Variants in BARX2 observed in about 807,000 individuals in gnomAD.
BARX2 encodes homeobox protein BarH-like 2.
A neutral mutation model predicts 25.5 loss-of-function variants in BARX2; 11 were observed. The ratio of observed to expected loss-of-function variants is 0.43; its 90% confidence interval spans 0.27 to 0.71. The LOEUF (loss-of-function observed/expected upper bound fraction) is 0.71. Among genes scored for constraint, BARX2 ranks in the 30% least tolerant of loss-of-function variants. The pLI, the probability that BARX2 is intolerant of heterozygous loss-of-function variation, is 0.19. For synonymous variants in BARX2, 137 were observed against 149.5 expected (o/e 0.92, Z 0.61); for missense variants, 360 against 359.9 (o/e 1.00, Z 0.00).
At chr11:129,418,758 C>T (rs749490753) in intron 1 of BARX2, among the ~76,000 whole-genome samples, 1 of 152,146 alleles carries the variant, frequency 6.6e-6, no homozygotes, top group Non-Finnish European at 1.5e-5. Context: ...ATAACGAACG[C>T]CTGGCATAGC....
At chr11:129,385,875 C>T (rs561368911) in intron 1 of BARX2, among the ~76,000 whole-genome samples, 222 of 152,280 alleles carry the variant, frequency 1.5e-3, no homozygotes, top group Non-Finnish European at 1.6e-3. Flanking sequence ...TCTTGTGGAA[C>T]TTTTGATCTT....
At chr11:129,418,151 T>C (rs1861964623) in intron 1 of BARX2, among the ~76,000 whole-genome samples, 1 of 152,204 alleles carries the variant, frequency 6.6e-6, no homozygotes, top group Non-Finnish European at 1.5e-5. Flanking sequence ...GGAAGTAAAT[T>C]GACTAATCAG....
intron 2 of BARX2, among the ~76,000 whole-genome samples, chr11:129,439,953 G>A (rs1862237083): frequency 6.6e-6 from 1 of 151,870 alleles, no homozygotes; most frequent in South Asian, 2.1e-4. Context: ...AAACCTCCTG[G>A]GGCTCCCTGA....
intron 1 of BARX2, among the ~76,000 whole-genome samples, chr11:129,386,783 TC>T (rs1861620285): frequency 6.6e-6 from 1 of 152,244 alleles, no homozygotes; most frequent in Admixed American, 6.5e-5. Context: ...GCTCTATCTT[TC>T]TGTGTCCTTC....
At chr11:129,431,231 A>G (rs769267460) in intron 1 of BARX2, among the ~76,000 whole-genome samples, 4 of 152,272 alleles carry the variant, frequency 2.6e-5, no homozygotes, top group Middle Eastern at 3.4e-3. Flanking sequence ...GATTGTTTCT[A>G]GTTTTTGATA....
At chr11:129,434,642 A>G (rs1229875114) in intron 1 of BARX2, among the ~76,000 whole-genome samples, 1 of 152,192 alleles carries the variant, frequency 6.6e-6, no homozygotes, top group African/African-American at 2.4e-5. Context: ...ATATTAATAT[A>G]TAGGTTATTT....
chr11:129,388,430 C>T (rs1292201179), intron 1 of BARX2, among the ~76,000 whole-genome samples: 1 of 152,130 alleles, frequency 6.6e-6, no homozygotes, highest in African/African-American at 2.4e-5. Context: ...CTCTGGGTCA[C>T]GGTGCTTCCA....
At position 129,376,169 on chromosome 11, in the gene BARX2, A is replaced by G; in HGVS notation, c.134A>G (p.Tyr45Cys). Residue 45 changes from tyrosine to cysteine, a missense_variant, in exon 1 of 4, where the codon TAC (tyrosine) becomes TGC (cysteine). Physicochemically the swap from Tyr to Cys is radical, Grantham distance 194. Transcript: ENST00000281437. The surrounding 1 kb of genome is among the most constrained non-coding windows in gnomAD (Gnocchi z 4.2). ...TCDYFEKLSL[Y>C]SVCPSLVVRP... is the part of the protein sequence containing the mutation. ...GATTACTTTGAGAAACTTTCCCTCT[A>G]CTCCGTGTGCCCGTCGCTGGTCGTG... is the stretch of plus-strand genomic sequence containing the variant. The G allele has an allele frequency of 6.2e-7, 1 of 1,612,974 alleles. No homozygotes were observed.
chr11:129,429,552 G>T (rs891442172), intron 1 of BARX2, among the ~76,000 whole-genome samples: 1 of 152,052 alleles, frequency 6.6e-6, no homozygotes, highest in African/African-American at 2.4e-5. Context: ...AGTTCAACTG[G>T]AAAAATAAAT....
At chr11:129,428,869 G>A (rs181559831) in intron 1 of BARX2, among the ~76,000 whole-genome samples, 408 of 152,246 alleles carry the variant, frequency 2.7e-3, no homozygotes, top group Non-Finnish European at 4.1e-3. Flanking sequence ...CCAACTTCAC[G>A]GGGGCGCTCT....
intron 3 of BARX2, among the ~76,000 whole-genome samples, chr11:129,444,661 G>A (rs1158164885): frequency 2.6e-5 from 4 of 152,150 alleles, no homozygotes; most frequent in Admixed American, 6.6e-5. Context: ...TAAGCCCATC[G>A]GAGTTCAGAA....
In BARX2 at chr11:129,437,028, G is replaced by GAA; in HGVS notation, c.466_467dup (p.Tyr157SerfsTer22). The GAA allele has an allele frequency of 6.3e-7, 1 of 1,587,062 alleles. No individual in the cohort carries two copies. On this transcript the variant is annotated frameshift_variant, in exon 2 of 4. Transcript: ENST00000281437. LOFTEE classifies it high-confidence loss of function. ...GCCTGGAGAAGAAATTCCAGAAGCA[G>GAA]AAGTATTTGTCAACCCCAGACAGGT...
Position 129,451,511 on chromosome 11 carries a change from G to C in BARX2, c.*109G>C. The stretch of plus-strand genomic sequence containing the variant: ...AGCAGCCCAGTAAACTGCGGGCGAA[G>C]AGATCTACCCGTCTCCCTCCCTCCC... On this transcript the variant is annotated 3_prime_UTR_variant, in exon 4 of 4. Transcript: ENST00000281437. 1 of 1,287,926 alleles carries C rather than the reference G, an allele frequency of 7.8e-7. No individual in the cohort carries two copies. Among genetic ancestry groups the C allele is most frequent in the East Asian group, 2.5e-5 (1 of 40,450 alleles). 79.8% of individuals were successfully genotyped at this position (1,287,926 alleles called of 1,614,324 possible). A position where few individuals can be genotyped will look rare whatever the true frequency, so the allele number is the denominator to read the frequency against.
chr11:129,434,268 A>G (rs1362410006), intron 1 of BARX2, among the ~76,000 whole-genome samples: 1 of 149,944 alleles, frequency 6.7e-6, no homozygotes, highest in African/African-American at 2.5e-5. Flanking sequence ...TTTTTTTTTA[A>G]GAGACAGAAT....
intron 1 of BARX2, among the ~76,000 whole-genome samples, chr11:129,403,376 A>AT (rs1279835370): frequency 6.6e-6 from 1 of 152,170 alleles, no homozygotes; most frequent in African/African-American, 2.4e-5. Context: ...ATGTCTCTGC[A>AT]TGTTATTCCT....
chr11:129,416,628 C>T (rs997086844), intron 1 of BARX2, among the ~76,000 whole-genome samples: 1 of 152,086 alleles, frequency 6.6e-6, no homozygotes, highest in South Asian at 2.1e-4. Context: ...TGAACTCTGA[C>T]CTGCTAGAAG....
At chr11:129,447,433 G>A (rs991814331) in intron 3 of BARX2, among the ~76,000 whole-genome samples, 6 of 152,108 alleles carry the variant, frequency 3.9e-5, no homozygotes, top group Admixed American at 6.5e-5. Flanking sequence ...CTGGACCAAC[G>A]GGACTAAACT....
chr11:129,419,998 C>G (rs997670798), intron 1 of BARX2, among the ~76,000 whole-genome samples: 1 of 152,034 alleles, frequency 6.6e-6, no homozygotes. Flanking sequence ...CCAGGTTGTT[C>G]TCTAACTTCT....
chr11:129,446,664 G>A (rs1345599486), intron 3 of BARX2, among the ~76,000 whole-genome samples: 2 of 152,136 alleles, frequency 1.3e-5, no homozygotes, highest in African/African-American at 4.8e-5. Context: ...TGAGTTTCAG[G>A]GACTCCGCAC....
Sources: gnomAD v4.1 joint callset for allele counts (sites outside exome capture counted in the v4.1 genomes callset) on GRCh38, gnomAD v4.1.1 for gene constraint, Gnocchi (gnomAD v3.1) non-coding constraint, MANE v1.5 for transcripts, NCBI Gene and HGNC (gene_info 2026-07-23, HGNC 2026-07-21) for gene names.